OSMR: variants seen among roughly 807,000 people sequenced by gnomAD.
OSMR encodes the protein oncostatin-M-specific receptor subunit beta.
Under a neutral mutation model 99.9 loss-of-function variants are expected in OSMR, and 81 were observed. That is an observed-to-expected ratio of 0.81 (90% CI 0.68 to 0.97). The LOEUF (loss-of-function observed/expected upper bound fraction) is 0.97. OSMR is among the 50% of genes least tolerant of loss of function. The pLI, the probability that OSMR is intolerant of heterozygous loss-of-function variation, is 0.00. For missense variants in OSMR, 1,099 were observed against 1,153.4 expected, an observed-to-expected ratio of 0.95 and a Z score of 0.68; for synonymous variants, 406 against 410.4, an observed-to-expected ratio of 0.99 and a Z score of 0.13.
Position 38,917,535 on chromosome 5 carries a change from G to T in OSMR, c.1286-11G>T, listed in dbSNP as rs1417803571. 1 of 1,612,694 alleles carries T rather than the reference G, an allele frequency of 6.2e-7. No individual in the cohort carries two copies. Among genetic ancestry groups the T allele is most frequent in the East Asian group, 2.2e-5 (1 of 44,858 alleles). On this transcript the variant is annotated splice_polypyrimidine_tract_variant and intron_variant, in intron 9 of 17. Coordinates refer to ENST00000274276, the MANE Select transcript of OSMR (RefSeq NM_003999.3). ...ATTGTGACTCAAGAACTTTTCTTTG[G>T]TTAATTTCAGCTCCCTCAGAGGCCC...
At chr5:38,940,176 C>T (rs1747404474), downstream of OSMR, 1 of 215,302 alleles carries the variant, frequency 4.6e-6, no homozygotes, top group Non-Finnish European at 9.1e-6. Flanking sequence ...CAGGCCAATA[C>T]TAACTAAGCC....
downstream of OSMR, chr5:38,940,129 GT>G (rs1747385098): frequency 7.4e-6 from 1 of 134,552 alleles, no homozygotes; most frequent in Non-Finnish European, 1.3e-5. Context: ...CAAAGTAACA[GT>G]AAAAAAAAAA....
chr5:38,895,537 A>G (rs986444859), intron 7 of OSMR, among the ~76,000 whole-genome samples: 5 of 152,036 alleles, frequency 3.3e-5, no homozygotes, highest in Admixed American at 3.3e-4. Context: ...TATTCTGGTT[A>G]CTTAATCCCT....
In OSMR at chr5:38,917,543, C is replaced by T. The variant is rs957059186; in HGVS notation, c.1286-3C>T. ...TCAAGAACTTTTCTTTGGTTAATTT[C>T]AGCTCCCTCAGAGGCCCCTGATGTC... is the stretch of plus-strand genomic sequence containing the variant. On this transcript the variant is annotated splice_polypyrimidine_tract_variant and splice_region_variant and intron_variant, in intron 9 of 17. Transcript: ENST00000274276. 19 of 1,612,968 alleles carry T rather than the reference C, an allele frequency of 1.2e-5. No homozygotes were observed. Among genetic ancestry groups the T allele is most frequent in the Non-Finnish European group, 1.6e-5 (19 of 1,179,184 alleles).
intron 7 of OSMR, among the ~76,000 whole-genome samples, chr5:38,889,988 A>C (rs1744045762): frequency 6.6e-6 from 1 of 152,242 alleles, no homozygotes; most frequent in Admixed American, 6.5e-5. Flanking sequence ...TTAACATTGC[A>C]GTGCTTTCGT....
chr5:38,924,058 T>C (rs1199999316), intron 13 of OSMR, among the ~76,000 whole-genome samples: 1 of 152,248 alleles, frequency 6.6e-6, no homozygotes, highest in South Asian at 2.1e-4. Flanking sequence ...GTAGGTTCTC[T>C]GGTTGAGTCT....
At chr5:38,941,723 C>T (rs370102762) in intron 1 of OSMR, 1 of 232,134 alleles carries the variant, frequency 4.3e-6, no homozygotes, top group Non-Finnish European at 8.5e-6. Flanking sequence ...GTTGTTGAGG[C>T]TCTTCTTCTG....
At chr5:38,858,972 G>A (rs1344581180) in intron 1 of OSMR, among the ~76,000 whole-genome samples, 1 of 152,030 alleles carries the variant, frequency 6.6e-6, no homozygotes, top group Non-Finnish European at 1.5e-5. Flanking sequence ...TTATTGTTGA[G>A]TTGAGTTCCT....
chr5:38,884,119 TGCAAATTCTCTGTG>T lies in OSMR; in HGVS notation c.703+11_703+24del. The T allele has an allele frequency of 1.2e-6, 2 of 1,603,064 alleles. No homozygotes were observed. The highest frequency in any genetic ancestry group is 4.5e-5 in the East Asian group (2 of 44,808). Reference sequence around the variant, plus strand: ...TCGTTCTTTTTGTCTCAAGTAAGTGTGCAAATTCTCTGTGGCCCTTTCTTCTCATTTCCTGAGGA... The same window carrying T: ...TCGTTCTTTTTGTCTCAAGTAAGTGTGCCCTTTCTTCTCATTTCCTGAGGA... On this transcript the variant is annotated intron_variant, in intron 5 of 17. Coordinates refer to ENST00000274276, the MANE Select transcript of OSMR (RefSeq NM_003999.3).
chr5:38,917,849 T>C (rs1235139422), intron 10 of OSMR, among the ~76,000 whole-genome samples: 1 of 152,116 alleles, frequency 6.6e-6, no homozygotes, highest in Non-Finnish European at 1.5e-5. Context: ...CTCTGCAACT[T>C]CAACTCAGGC....
Position 38,918,965 on chromosome 5 carries a change from C to A in OSMR, c.1488C>A (p.Ile496=). ...IPAPANSTKL[I]LDRCSYQICV... ...CACCAGCCAACAGCACAAAACTAAT[C>A]CTTGACAGGTGTTCCTACCAAATCT... is the stretch of plus-strand genomic sequence containing the variant. The change falls in exon 11 of 18, where the codon ATC becomes ATA. Residue 496 remains isoleucine, a synonymous_variant. Coordinates refer to ENST00000274276, the MANE Select transcript of OSMR (RefSeq NM_003999.3). 1 of 1,614,168 alleles carries A rather than the reference C, an allele frequency of 6.2e-7. No homozygotes were observed. Among genetic ancestry groups the A allele is most frequent in the Admixed American group, 1.7e-5 (1 of 60,016 alleles).
intron 12 of OSMR, among the ~76,000 whole-genome samples, chr5:38,922,245 G>A (rs1271213251): frequency 6.6e-6 from 1 of 152,090 alleles, no homozygotes; most frequent in Non-Finnish European, 1.5e-5. Context: ...AAGATTGCTA[G>A]TTTAGCAGTC....
chr5:38,918,698 G>A, intron 10 of OSMR, 142 bp from the exon 11 acceptor site: 3 of 1,480,548 alleles, frequency 2.0e-6, no homozygotes, highest in South Asian at 1.4e-5. Flanking sequence ...GGTTGAGAGA[G>A]TTATTTTCTC....
rs372628129 is a variant in OSMR at position 38,932,923 on chromosome 5, A to G, written c.2419A>G (p.Ile807Val). ...MNVSDCIPDAIEVVSKPEGTK... is the reference protein window; with the variant it reads ...MNVSDCIPDAVEVVSKPEGTK... The stretch of plus-strand genomic sequence containing the variant: ...TGTCAGTGACTGTATCCCAGATGCT[A>G]TTGAAGTTGTAAGCAAGCCAGAAGG... The change falls in exon 18 of 18, where the codon ATT (isoleucine) becomes GTT (valine). Residue 807 changes from isoleucine to valine, a missense_variant. Physicochemically the swap from Ile to Val is conservative, Grantham distance 29 (BLOSUM62 3). Transcript: ENST00000274276. 1.9e-6 allele frequency: 3 copies of G among 1,614,028 alleles called. No individual in the cohort carries two copies. Among genetic ancestry groups the G allele is most frequent in the Non-Finnish European group, 2.5e-6 (3 of 1,179,996 alleles).
At chr5:38,848,330 C>T (rs1482734499) in intron 1 of OSMR, among the ~76,000 whole-genome samples, 1 of 152,198 alleles carries the variant, frequency 6.6e-6, no homozygotes, top group Non-Finnish European at 1.5e-5. Flanking sequence ...TCCCCTCCTC[C>T]AAGCAGGCTT....
chr5:38,903,926 G>A lies in OSMR; in HGVS notation c.1036G>A (p.Ala346Thr). ...PFSVNFENVN[A>T]TNAIMTWKVH... ...TAGTGTCAACTTTGAAAATGTAAAT[G>A]CCACAAATGCCATCATGACCTGGAA... Residue 346 changes from alanine (A) to threonine (T), a missense_variant, in exon 8 of 18, where the codon GCC (alanine) becomes ACC (threonine). Transcript: ENST00000274276. The A allele has an allele frequency of 6.2e-7, 1 of 1,613,402 alleles. No homozygotes were observed. Among genetic ancestry groups the A allele is most frequent in the South Asian group, 1.1e-5 (1 of 90,798 alleles).
At chr5:38,925,529 C>T (rs1746436877) in intron 15 of OSMR, among the ~76,000 whole-genome samples, 158 bp downstream of exon 15, 1 of 151,770 alleles carries the variant, frequency 6.6e-6, no homozygotes, top group Non-Finnish European at 1.5e-5. Context: ...CTTTTTGTCA[C>T]AAAAAAAGGG....
chr5:38,932,364 A>C (rs357278), intron 16 of OSMR, 99 bp from the exon 17 acceptor site: 359,423 of 842,814 alleles, frequency 0.43, 77,523 homozygotes, highest in East Asian at 0.5. Context: ...ATAAGTTACA[A>C]CGCAAGGATT....
chr5:38,940,197 A>G, downstream of OSMR: 1 of 229,526 alleles, frequency 4.4e-6, no homozygotes, highest in Admixed American at 5.7e-5. Flanking sequence ...TTATTTCAGG[A>G]TAGATGACCA....
Sources: gnomAD v4.1 joint callset for allele counts (sites outside exome capture counted in the v4.1 genomes callset) on GRCh38, gnomAD v4.1.1 for gene constraint, MANE v1.5 for transcripts, NCBI Gene and HGNC (gene_info 2026-07-23, HGNC 2026-07-21) for gene names.